The following HIP1 variants were observed in gnomAD, a reference collection of about 807,000 sequenced individuals.
The protein encoded by HIP1 is huntingtin-interacting protein 1.
HIP1 carries 65 observed loss-of-function variants against 147.6 expected under a neutral mutation model. The ratio of observed to expected loss-of-function variants is 0.44; its 90% CI spans 0.36 to 0.54. The LOEUF is 0.54. HIP1 is among the 20% of genes least tolerant of loss of function. The pLI, the probability that HIP1 is intolerant of heterozygous loss-of-function variation, is 0.00. For missense variants in HIP1, 1,061 were observed against 1,299.6 expected (o/e 0.82, Z 2.82); for synonymous variants, 479 against 504.0 (o/e 0.95, Z 0.67).
At chr7:75,687,982 C>A (rs907321155) in intron 1 of HIP1, among the ~76,000 whole-genome samples, 1 of 152,120 alleles carries the variant, frequency 6.6e-6, no homozygotes, top group Non-Finnish European at 1.5e-5. Context: ...TTCTTCCAGG[C>A]TAGCCCATGT....
intron 1 of HIP1, among the ~76,000 whole-genome samples, chr7:75,653,477 A>T (rs1191987187): frequency 1.3e-5 from 2 of 151,606 alleles, no homozygotes; most frequent in Admixed American, 6.6e-5. Flanking sequence ...ACATAGTGAG[A>T]CCCCCATCTC....
At position 75,555,537 on chromosome 7, in the gene HIP1, C is replaced by T; in HGVS notation, c.1842G>A (p.Gln614=). 2 of 1,614,224 alleles carry T rather than the reference C, an allele frequency of 1.2e-6. No homozygotes were observed. The highest frequency in any genetic ancestry group is 1.7e-6 in the Non-Finnish European group (2 of 1,180,038). ...GCATTTTTCGTTGGTCTTTGGCAAG[C>T]TGGCACATAGATTCCTAAAAATGGT... ...KLASTEESMC[Q]LAKDQRKMLL... Residue 614 remains glutamine (Q), a synonymous_variant, in exon 19 of 31, where the codon CAG becomes CAA. Transcript: ENST00000336926.
chr7:75,566,832 T>TG (rs1478140371), intron 9 of HIP1, among the ~76,000 whole-genome samples: 1 of 151,180 alleles, frequency 6.6e-6, no homozygotes, highest in African/African-American at 2.5e-5. Flanking sequence ...TAGAAAAGAA[T>TG]GGGGAGGGGC....
At chr7:75,572,835 G>A (rs1262777102) in intron 8 of HIP1, among the ~76,000 whole-genome samples, 1 of 151,678 alleles carries the variant, frequency 6.6e-6, no homozygotes, top group East Asian at 2.0e-4. Context: ...CTGCTGCCCC[G>A]CACCCGCCCC....
intron 1 of HIP1, among the ~76,000 whole-genome samples, chr7:75,727,754 G>A (rs1238979333): frequency 5.3e-5 from 8 of 151,252 alleles, no homozygotes; most frequent in African/African-American, 1.9e-4. Flanking sequence ...GCTGAGACAG[G>A]AGAATTGCTT....
At chr7:75,604,699 G>A (rs1554503576) in intron 1 of HIP1, among the ~76,000 whole-genome samples, 2 of 150,968 alleles carry the variant, frequency 1.3e-5, no homozygotes, top group African/African-American at 4.9e-5. Flanking sequence ...AAGGAAGGAA[G>A]GGAGGGAGGG....
chr7:75,594,109 C>T (rs587744611), intron 2 of HIP1, among the ~76,000 whole-genome samples: 11 of 152,150 alleles, frequency 7.2e-5, no homozygotes, highest in African/African-American at 2.6e-4. Context: ...GGTGAAACCC[C>T]GTCTCTACTA....
intron 1 of HIP1, among the ~76,000 whole-genome samples, chr7:75,691,532 C>T (rs1800452642): frequency 6.6e-6 from 1 of 151,892 alleles, no homozygotes; most frequent in Non-Finnish European, 1.5e-5. Context: ...GGCGCGGTGG[C>T]TCATGCCTGT....
chr7:75,608,054 C>A (rs904292270), intron 1 of HIP1, among the ~76,000 whole-genome samples: 2 of 152,158 alleles, frequency 1.3e-5, no homozygotes, highest in Admixed American at 1.3e-4. Flanking sequence ...CGCCTGTAAT[C>A]CTAGCACTTT....
intron 1 of HIP1, among the ~76,000 whole-genome samples, chr7:75,724,447 C>CA (rs1414472517): frequency 6.6e-6 from 1 of 151,866 alleles, no homozygotes; most frequent in Non-Finnish European, 1.5e-5. Flanking sequence ...AGAGTTTTGC[C>CA]ATGTTGGCCA....
chr7:75,683,254 T>C (rs1563291107), intron 1 of HIP1, among the ~76,000 whole-genome samples: 1 of 152,048 alleles, frequency 6.6e-6, no homozygotes, highest in African/African-American at 2.4e-5. Context: ...CTGCTGGGAT[T>C]ACAGGTGTCA....
At chr7:75,669,235 T>C (rs1216777568) in intron 1 of HIP1, among the ~76,000 whole-genome samples, 3 of 151,528 alleles carry the variant, frequency 2.0e-5, no homozygotes, top group Non-Finnish European at 4.4e-5. Flanking sequence ...TAGGCTGGCA[T>C]GGCGGCGGGC....
chr7:75,659,070 C>A (rs1554513200), intron 1 of HIP1, among the ~76,000 whole-genome samples: 3 of 152,218 alleles, frequency 2.0e-5, no homozygotes, highest in African/African-American at 7.2e-5. Flanking sequence ...ATTGACGTGT[C>A]CTCACACACT....
intron 22 of HIP1, among the ~76,000 whole-genome samples, chr7:75,549,537 AT>A (rs1794704378): frequency 6.6e-6 from 1 of 151,250 alleles, no homozygotes; most frequent in African/African-American, 2.4e-5. Context: ...TGCCCAGCTA[AT>A]TTTTATATTT....
In HIP1 at chr7:75,561,371, C is replaced by T. The variant is rs1432455314; in HGVS notation, c.1149G>A (p.Glu383=). Residue 383 remains glutamate, a synonymous_variant, in exon 13 of 31, where the codon GAG becomes GAA. Coordinates refer to ENST00000336926, the MANE Select transcript of HIP1 (RefSeq NM_005338.7). ...CTAGCTGTGCCTTCAATCCACTGAT[C>T]TCTCTGTATAGTCGCTCAATTAAGT... ...KDHLIERLYR[E]ISGLKAQLEN... is the part of the protein sequence containing the mutation. The T allele has an allele frequency of 6.2e-7, 1 of 1,613,288 alleles. No homozygotes were observed. Among genetic ancestry groups the T allele is most frequent in the Non-Finnish European group, 8.5e-7 (1 of 1,179,324 alleles).
chr7:75,550,245 A>T (rs1326209991), intron 22 of HIP1, among the ~76,000 whole-genome samples: 1 of 152,172 alleles, frequency 6.6e-6, no homozygotes, highest in Admixed American at 6.6e-5. Flanking sequence ...AAGAATAAAG[A>T]CGCATGTTAT....
At position 75,703,356 on chromosome 7, in the gene HIP1, A is replaced by G. The variant is rs573966038; in HGVS notation, c.120+35445T>C. Reference sequence around the variant, plus strand: ...GAGCAAGACTCCGTCTCAAAAATAAAAAAAAGCCCAGGTGCGGTGGTTCAT... The same window carrying G: ...GAGCAAGACTCCGTCTCAAAAATAAGAAAAAGCCCAGGTGCGGTGGTTCAT... On this transcript the variant is annotated intron_variant, in intron 1 of 30. Transcript: ENST00000336926. 2.6e-5 allele frequency among the ~76,000 whole-genome samples: 4 copies of G among 152,100 alleles called. No individual in the cohort carries two copies. The East Asian group carries it at 7.7e-4, about 29-fold the overall frequency.
At chr7:75,690,718 C>T (rs1030899145) in intron 1 of HIP1, among the ~76,000 whole-genome samples, 13 of 151,952 alleles carry the variant, frequency 8.6e-5, no homozygotes, top group African/African-American at 2.2e-4. Flanking sequence ...CAAAATTAGC[C>T]GGGCATGGTG....
intron 1 of HIP1, among the ~76,000 whole-genome samples, chr7:75,607,078 T>G (rs587596873): frequency 4.9e-4 from 74 of 151,708 alleles, no homozygotes; most frequent in African/African-American, 1.5e-3. Context: ...AAAAAATTTT[T>G]TTTTAAATAG....
Sources: allele counts gnomAD v4.1 joint callset (sites outside exome capture counted in the v4.1 genomes callset), GRCh38; gene constraint gnomAD v4.1.1; transcripts MANE v1.5; gene names NCBI Gene and HGNC (gene_info 2026-07-23, HGNC 2026-07-21).